Variants in GGH observed in about 807,000 individuals in gnomAD.
GGH encodes the protein gamma-Glu-X carboxypeptidase.
In GGH, 18 loss-of-function variants were observed where a neutral mutation model predicts 39.2. That is an observed-to-expected ratio of 0.46 (90% CI 0.32 to 0.68). The LOEUF is 0.68. Ranked by LOEUF, GGH falls within the 30% of genes least tolerant of loss-of-function variation. The probability of loss-of-function intolerance (pLI) is 0.04; values close to 1 mark genes in which losing one functional copy is unlikely to be tolerated. For missense variants in GGH, 367 were observed against 384.1 expected (o/e 0.96, Z 0.37); for synonymous variants, 147 against 138.8 (o/e 1.06, Z -0.42).
intron 2 of GGH, among the ~76,000 whole-genome samples, chr8:63,030,999 A>C (rs2129671066): frequency 6.6e-6 from 1 of 152,340 alleles, no homozygotes; most frequent in African/African-American, 2.4e-5. Flanking sequence ...GAGAGCACCA[A>C]GTTAGTGAAA....
intron 7 of GGH, among the ~76,000 whole-genome samples, chr8:63,020,875 G>C (rs536007057): frequency 6.6e-6 from 1 of 152,200 alleles, no homozygotes; most frequent in Non-Finnish European, 1.5e-5. Flanking sequence ...AGCAGACCAC[G>C]AGTGGGTGGC....
At position 63,023,980 on chromosome 8, in the gene GGH, T is replaced by C. The variant is rs183431033; in HGVS notation, c.624A>G (p.Glu208=). The change falls in exon 7 of 9, where the codon GAA becomes GAG. Residue 208 remains glutamate, a synonymous_variant. Transcript: ENST00000260118. ...SLSVKNFTMN[E]KLKKFFNVLT... is the part of the protein sequence containing the mutation. ...AGACATTGAAAAACTTCTTTAACTT[T>C]TCATTCATTGTAAAATTCTAGAATA... 2.3e-5 allele frequency: 36 copies of C among 1,588,498 alleles called. No individual in the cohort carries two copies. In the Admixed American group the frequency reaches 5.9e-4, roughly 26 times the overall value.
intron 7 of GGH, among the ~76,000 whole-genome samples, chr8:63,020,159 G>C (rs1209380661): frequency 6.6e-6 from 1 of 152,132 alleles, no homozygotes; most frequent in Non-Finnish European, 1.5e-5. Flanking sequence ...TAAAAGACCA[G>C]TGCAGTTTCC....
At chr8:63,021,429 A>C (rs921916077) in intron 7 of GGH, among the ~76,000 whole-genome samples, 1 of 152,206 alleles carries the variant, frequency 6.6e-6, no homozygotes, top group Non-Finnish European at 1.5e-5. Context: ...TTTACTAAGA[A>C]ATGCCAAAAT....
intron 4 of GGH, 84 bp from the exon 5 acceptor site, chr8:63,026,380 AG>A (rs1353187995): frequency 1.0e-6 from 1 of 972,632 alleles, no homozygotes; most frequent in Non-Finnish European, 1.6e-6. Context: ...ATAACCAAAT[AG>A]GCACCTGAGT....
At chr8:63,017,784 T>C in intron 7 of GGH, 154 bp from the exon 8 acceptor site, 2 of 523,004 alleles carry the variant, frequency 3.8e-6, no homozygotes, top group Admixed American at 3.7e-5. Flanking sequence ...ATAATTTCCA[T>C]TCATAATCAA....
intron 7 of GGH, among the ~76,000 whole-genome samples, chr8:63,021,502 C>T (rs1459179346): frequency 1.3e-5 from 2 of 152,090 alleles, no homozygotes; most frequent in Non-Finnish European, 2.9e-5. Context: ...CACTAGTTAT[C>T]AGCAGGCTTC....
chr8:63,015,849 A>T (rs1042052434), intron 8 of GGH, among the ~76,000 whole-genome samples: 1 of 140,104 alleles, frequency 7.1e-6, no homozygotes, highest in African/African-American at 2.6e-5. Context: ...ACAAGACTTG[A>T]TAACACAGCC....
chr8:63,015,865 A>T (rs925100297), intron 8 of GGH, among the ~76,000 whole-genome samples: 1 of 152,050 alleles, frequency 6.6e-6, no homozygotes, highest in African/African-American at 2.4e-5. Context: ...CAGCCTGGGG[A>T]TGGAAATATA....
intron 7 of GGH, chr8:63,017,834 C>A (rs1363125113): frequency 8.7e-6 from 4 of 457,620 alleles, no homozygotes; most frequent in African/African-American, 8.1e-5. Flanking sequence ...GATTAGCAAC[C>A]TTTTACAATC....
intron 2 of GGH, among the ~76,000 whole-genome samples, chr8:63,031,537 C>A (rs1412639229): frequency 3.3e-5 from 5 of 152,128 alleles, no homozygotes; most frequent in Non-Finnish European, 7.4e-5. Flanking sequence ...AAATGGGCAA[C>A]CATCGCCATC....
intron 1 of GGH, 94 bp from the exon 2 acceptor site, chr8:63,035,864 T>A (rs969135628): frequency 1.8e-6 from 2 of 1,126,682 alleles, no homozygotes; most frequent in Non-Finnish European, 2.5e-6. Flanking sequence ...TATTTTATTA[T>A]TTCAATCCAC....
chr8:63,035,861 T>C (rs939142948), intron 1 of GGH, 91 bp from the exon 2 acceptor site: 38 of 1,146,264 alleles, frequency 3.3e-5, no homozygotes, highest in Non-Finnish European at 4.5e-5. Flanking sequence ...TCATATTTTA[T>C]TATTTCAATC....
At chr8:63,019,489 A>G (rs151161668) in intron 7 of GGH, among the ~76,000 whole-genome samples, 11 of 152,336 alleles carry the variant, frequency 7.2e-5, no homozygotes, top group Admixed American at 7.2e-4. Flanking sequence ...CACTGCAGAT[A>G]AAACACGGTT....
In GGH at chr8:63,017,555, A is replaced by T; in HGVS notation, c.773T>A (p.Ile258Asn). 1 of 1,610,770 alleles carries T rather than the reference A, an allele frequency of 6.2e-7. No individual in the cohort carries two copies. The highest frequency in any genetic ancestry group is 1.1e-5 in the South Asian group (1 of 90,980). ...APYEWKNLDG[I>N]SHAPNAVKTA... is the part of the protein sequence containing the mutation. ...TTTCACAGCATTAGGTGCATGGGAAATGCCATCCAAATTCTTCCACTCATA... is the reference window on the plus strand; with the variant it reads ...TTTCACAGCATTAGGTGCATGGGAATTGCCATCCAAATTCTTCCACTCATA... Residue 258 changes from isoleucine (I) to asparagine (N), a missense_variant, in exon 8 of 9, where the codon ATT becomes AAT. Transcript: ENST00000260118.
At chr8:63,034,135 A>C (rs1804858040) in intron 2 of GGH, among the ~76,000 whole-genome samples, 1 of 151,174 alleles carries the variant, frequency 6.6e-6, no homozygotes, top group South Asian at 2.1e-4. Context: ...GAAAACTTTG[A>C]AACACTGTTC....
At chr8:63,038,273 T>G (rs1359843463) in intron 1 of GGH, among the ~76,000 whole-genome samples, 1 of 152,218 alleles carries the variant, frequency 6.6e-6, no homozygotes, top group East Asian at 1.9e-4. Context: ...ATCAATACAT[T>G]TTGATGAATG....
intron 7 of GGH, chr8:63,017,850 G>A: frequency 2.4e-6 from 1 of 419,680 alleles, no homozygotes; most frequent in Admixed American, 4.3e-5. Flanking sequence ...CAATCTGTAG[G>A]ACGATTTGCT....
At chr8:63,021,282 T>C (rs1325500065) in intron 7 of GGH, among the ~76,000 whole-genome samples, 1 of 152,218 alleles carries the variant, frequency 6.6e-6, no homozygotes, top group Non-Finnish European at 1.5e-5. Context: ...ACTACTGGAC[T>C]TTTGAGTTGT....
Sources: gnomAD v4.1 joint callset for allele counts (sites outside exome capture counted in the v4.1 genomes callset) on GRCh38, gnomAD v4.1.1 for gene constraint, MANE v1.5 for transcripts, NCBI Gene and HGNC (gene_info 2026-07-23, HGNC 2026-07-21) for gene names.